Variants in DNAAF9 observed in about 807,000 individuals in gnomAD.
DNAAF9 encodes dynein axonemal assembly factor 9.
In DNAAF9, 90 loss-of-function variants were observed where a neutral mutation model predicts 167.0. The observed-to-expected ratio is 0.54, with a 90% CI of 0.45 to 0.64. DNAAF9 has a LOEUF of 0.64. DNAAF9 is among the 30% of genes least tolerant of loss of function. The pLI is 0.00. For missense variants in DNAAF9, 1,315 were observed against 1,442.2 expected, an observed-to-expected ratio of 0.91 and a Z score of 1.43; for synonymous variants, 491 against 508.8, an observed-to-expected ratio of 0.96 and a Z score of 0.47.
intron 3 of DNAAF9, among the ~76,000 whole-genome samples, chr20:3,376,919 A>G (rs1455988236): frequency 6.6e-6 from 1 of 152,078 alleles, no homozygotes; most frequent in East Asian, 1.9e-4. Flanking sequence ...AAACACAAAA[A>G]TTAGCCGGGT....
intron 23 of DNAAF9, chr20:3,296,448 G>A (rs887646774): frequency 6.7e-6 from 2 of 296,836 alleles, no homozygotes; most frequent in Admixed American, 4.7e-5. Context: ...CATGGTCACG[G>A]CTCACTGCAA....
At chr20:3,274,006 TTTC>T (rs1266590480) in intron 29 of DNAAF9, among the ~76,000 whole-genome samples, 1 of 152,260 alleles carries the variant, frequency 6.6e-6, no homozygotes. Context: ...CCTTCAAATC[TTTC>T]TTAACATTTT....
At chr20:3,278,403 T>C (rs1452047471) in intron 29 of DNAAF9, among the ~76,000 whole-genome samples, 1 of 152,132 alleles carries the variant, frequency 6.6e-6, no homozygotes, top group Non-Finnish European at 1.5e-5. Flanking sequence ...GGAGAGGTAT[T>C]ACTGTGGCAA....
At chr20:3,399,396 GAC>G (rs1414059458) in intron 1 of DNAAF9, among the ~76,000 whole-genome samples, 1 of 151,982 alleles carries the variant, frequency 6.6e-6, no homozygotes, top group East Asian at 1.9e-4. Flanking sequence ...TTTTAGTAGA[GAC>G]AGGGTTTCAT....
intron 33 of DNAAF9, 55 bp from the exon 34 acceptor site, chr20:3,256,266 A>G (rs1259210302): frequency 8.1e-7 from 1 of 1,228,484 alleles, no homozygotes; most frequent in African/African-American, 1.5e-5. Flanking sequence ...GGATACAGCT[A>G]TGCTAAGACT....
chr20:3,287,678 A>G lies in DNAAF9; in HGVS notation c.2440T>C (p.Ser814Pro). Residue 814 changes from serine (S) to proline (P), a missense_variant, in exon 27 of 37, where the codon TCA becomes CCA. Ser to Pro is a moderately conservative substitution (Grantham distance 74, BLOSUM62 -1). This residue lies in a region of DNAAF9 where 981 missense variants were observed against 1,012.5 expected (regional missense o/e 0.97). Transcript: ENST00000252032. ...CTGGTCTTCTTGCGGATGTAGGCTGACTGGCGCGCAGAGCGGTTCTGCTGG... is the reference window on the plus strand; with the variant it reads ...CTGGTCTTCTTGCGGATGTAGGCTGGCTGGCGCGCAGAGCGGTTCTGCTGG... ...EAQQNRSARQ[S>P]AYIRKKTRLL... 3 of 1,614,234 alleles carry G rather than the reference A, an allele frequency of 1.9e-6. No individual in the cohort carries two copies. Among genetic ancestry groups the G allele is most frequent in the Non-Finnish European group, 2.5e-6 (3 of 1,180,034 alleles).
chr20:3,391,578 CTT>C (rs34396355), intron 1 of DNAAF9, among the ~76,000 whole-genome samples: 7 of 120,924 alleles, frequency 5.8e-5, no homozygotes, highest in Non-Finnish European at 6.6e-5. Context: ...TTTTTTCCTT[CTT>C]TTTTTTTTTT....
chr20:3,353,119 C>CAT (rs1210367698), intron 7 of DNAAF9, among the ~76,000 whole-genome samples: 2 of 145,760 alleles, frequency 1.4e-5, no homozygotes, highest in African/African-American at 2.5e-5. Flanking sequence ...ATATATATAA[C>CAT]ATATATATAA....
intron 25 of DNAAF9, among the ~76,000 whole-genome samples, chr20:3,291,021 TTG>T (rs2068942045): frequency 6.6e-6 from 1 of 152,070 alleles, no homozygotes; most frequent in Admixed American, 6.6e-5. Context: ...ACTCCTGACC[TTG>T]GGTGATCCAC....
intron 34 of DNAAF9, among the ~76,000 whole-genome samples, chr20:3,255,747 G>A (rs916723481): frequency 6.6e-6 from 1 of 152,194 alleles, no homozygotes; most frequent in Non-Finnish European, 1.5e-5. Context: ...AACCCCCAAG[G>A]CTGTGCTACA....
intron 9 of DNAAF9, 147 bp downstream of exon 9, chr20:3,343,527 TAC>T: frequency 1.5e-6 from 1 of 647,374 alleles, no homozygotes; most frequent in East Asian, 2.6e-5. Flanking sequence ...ATTTACAGAG[TAC>T]AGATTTCTTA....
intron 1 of DNAAF9, among the ~76,000 whole-genome samples, chr20:3,390,614 C>A (rs1298040355): frequency 6.6e-6 from 1 of 152,176 alleles, no homozygotes; most frequent in Non-Finnish European, 1.5e-5. Context: ...ATTTGCCCGC[C>A]TTGGCCTCCC....
intron 28 of DNAAF9, 103 bp from the exon 29 acceptor site, chr20:3,279,052 C>A (rs1357704327): frequency 4.8e-6 from 4 of 829,206 alleles, no homozygotes; most frequent in South Asian, 1.5e-5. Context: ...CAAATTGACT[C>A]ACATGATGAG....
chr20:3,337,441 T>TTTG (rs1555793646), intron 10 of DNAAF9, among the ~76,000 whole-genome samples: 11 of 29,516 alleles, frequency 3.7e-4, no homozygotes, highest in Admixed American at 5.5e-4. Context: ...TTTTTTTTTG[T>TTTG]TTTTTTTTTT....
rs764130252 is a variant in DNAAF9 at position 3,332,331 on chromosome 20, G to C, written c.1012C>G (p.Leu338Val). ...AAAAAGTATGTTCTCGAACAAGCAA[G>C]AGGTCCCTTTGGTGAGACACACTGG... The part of the protein sequence containing the change: ...VAQCVSPKGP[L>V]ACSRTYFFGA... The change falls in exon 11 of 37, where the codon CTT becomes GTT. Residue 338 changes from leucine (L) to valine (V), a missense_variant. Around this residue, in one of 2 missense-constraint regions of DNAAF9, gnomAD observed 981 missense variants for 1,012.5 expected, o/e 0.97. Coordinates refer to ENST00000252032, the MANE Select transcript of DNAAF9 (RefSeq NM_001009984.3). 1 of 1,609,102 alleles carries C rather than the reference G, an allele frequency of 6.2e-7. No homozygotes were observed. The highest frequency in any genetic ancestry group is 8.5e-7 in the Non-Finnish European group (1 of 1,175,644).
At chr20:3,387,279 A>C (rs1221449140) in intron 1 of DNAAF9, among the ~76,000 whole-genome samples, 1 of 152,240 alleles carries the variant, frequency 6.6e-6, no homozygotes, top group Non-Finnish European at 1.5e-5. Context: ...TACAGTCATC[A>C]ACAGTGGGAT....
chr20:3,348,292 C>G (rs919292763), intron 8 of DNAAF9, among the ~76,000 whole-genome samples: 1 of 152,050 alleles, frequency 6.6e-6, no homozygotes, highest in African/African-American at 2.4e-5. Context: ...ATTCCTGGCA[C>G]CACCACACTG....
intron 25 of DNAAF9, among the ~76,000 whole-genome samples, chr20:3,293,001 G>A (rs915440314): frequency 6.6e-6 from 1 of 151,426 alleles, no homozygotes; most frequent in African/African-American, 2.4e-5. Flanking sequence ...CAGGAGAATT[G>A]CTTAAATCCA....
At chr20:3,269,023 C>T (rs1037501322) in intron 30 of DNAAF9, among the ~76,000 whole-genome samples, 1 of 150,986 alleles carries the variant, frequency 6.6e-6, no homozygotes, top group African/African-American at 2.4e-5. Context: ...CCTCCCTCAG[C>T]CTCCCAAGTA....
Sources: gnomAD v4.1 joint callset for allele counts (sites outside exome capture counted in the v4.1 genomes callset) on GRCh38, gnomAD v4.1.1 for gene constraint, gnomAD v4.1.1 regional missense constraint, MANE v1.5 for transcripts, NCBI Gene and HGNC (gene_info 2026-07-23, HGNC 2026-07-21) for gene names.